SCD5: variants seen among roughly 807,000 people sequenced by gnomAD.
The protein encoded by SCD5 is acyl-CoA-desaturase 4.
Under a neutral mutation model 30.4 loss-of-function variants are expected in SCD5, and 20 were observed. The ratio of observed to expected loss-of-function variants is 0.66; its 90% CI spans 0.46 to 0.96. The LOEUF is 0.96. Among genes scored for constraint, SCD5 ranks in the 40% least tolerant of loss-of-function variants. SCD5 has a pLI of 0.00. For synonymous variants in SCD5, 173 were observed against 176.4 expected, an observed-to-expected ratio of 0.98 and a Z score of 0.16; for missense variants, 381 against 443.3, an observed-to-expected ratio of 0.86 and a Z score of 1.26.
At chr4:82,650,422 C>T (rs1340928944) in intron 3 of SCD5, among the ~76,000 whole-genome samples, 7 of 152,222 alleles carry the variant, frequency 4.6e-5, no homozygotes, top group Non-Finnish European at 1.0e-4. Context: ...AGGTCACGCA[C>T]AGTGGCTCAT....
chr4:82,728,983 A>G (rs1488990367), intron 1 of SCD5, among the ~76,000 whole-genome samples: 2 of 152,114 alleles, frequency 1.3e-5, no homozygotes, highest in Non-Finnish European at 2.9e-5. Flanking sequence ...GTGATTTCTG[A>G]CCTCGATTTT....
At chr4:82,718,084 A>T (rs1360221899) in intron 1 of SCD5, among the ~76,000 whole-genome samples, 4 of 149,368 alleles carry the variant, frequency 2.7e-5, no homozygotes, top group East Asian at 1.9e-4. Flanking sequence ...TTTTTTTTTA[A>T]AAAAAAAAAA....
intron 1 of SCD5, among the ~76,000 whole-genome samples, chr4:82,773,908 G>C (rs1182628569): frequency 6.6e-6 from 1 of 151,968 alleles, no homozygotes; most frequent in African/African-American, 2.4e-5. Flanking sequence ...TAGCCAATAT[G>C]GTGAAACCTC....
intron 1 of SCD5, among the ~76,000 whole-genome samples, chr4:82,722,559 T>C (rs1049091807): frequency 1.3e-5 from 2 of 151,316 alleles, no homozygotes; most frequent in African/African-American, 4.9e-5. Context: ...AGGTCAGGGG[T>C]TCGAGACCAG....
chr4:82,733,333 A>G (rs1422001183), intron 1 of SCD5, among the ~76,000 whole-genome samples: 4 of 152,158 alleles, frequency 2.6e-5, no homozygotes, highest in African/African-American at 7.2e-5. Flanking sequence ...TACGATGCAC[A>G]GAGCACAGTG....
chr4:82,661,670 T>A (rs1188800721), intron 3 of SCD5, among the ~76,000 whole-genome samples: 1 of 152,236 alleles, frequency 6.6e-6, no homozygotes, highest in African/African-American at 2.4e-5. Context: ...TGCCTTCAGA[T>A]GCCTCTTGTT....
intron 1 of SCD5, among the ~76,000 whole-genome samples, chr4:82,743,611 T>A (rs1269121521): frequency 6.6e-6 from 1 of 152,098 alleles, no homozygotes; most frequent in African/African-American, 2.4e-5. Flanking sequence ...AACTTCTACC[T>A]CCCAGGCTTG....
At chr4:82,788,554 C>T (rs1202248256) in intron 1 of SCD5, among the ~76,000 whole-genome samples, 1 of 152,118 alleles carries the variant, frequency 6.6e-6, no homozygotes, top group Non-Finnish European at 1.5e-5. Flanking sequence ...TCACTCCCAG[C>T]TAATTTTTGT....
chr4:82,779,757 G>C (rs1021122530), intron 1 of SCD5, among the ~76,000 whole-genome samples: 1 of 152,182 alleles, frequency 6.6e-6, no homozygotes, highest in African/African-American at 2.4e-5. Flanking sequence ...CCAGGACGAG[G>C]CTGTCATTCC....
chr4:82,765,109 T>C (rs1444680387), intron 1 of SCD5, among the ~76,000 whole-genome samples: 1 of 152,256 alleles, frequency 6.6e-6, no homozygotes, highest in African/African-American at 2.4e-5. Context: ...TTTATTTTGA[T>C]CAAGATTTCC....
chr4:82,682,562 T>A (rs1728600640), intron 2 of SCD5, among the ~76,000 whole-genome samples: 1 of 152,218 alleles, frequency 6.6e-6, no homozygotes, highest in East Asian at 1.9e-4. Context: ...TACCATAATA[T>A]TCAATACTGG....
At chr4:82,756,300 C>T (rs1721232632) in intron 1 of SCD5, among the ~76,000 whole-genome samples, 1 of 152,244 alleles carries the variant, frequency 6.6e-6, no homozygotes, top group Non-Finnish European at 1.5e-5. Flanking sequence ...TCAGGACAGG[C>T]ATGGCACAGT....
At chr4:82,636,210 G>C (rs1000404588) in intron 4 of SCD5, among the ~76,000 whole-genome samples, 1 of 151,994 alleles carries the variant, frequency 6.6e-6, no homozygotes, top group Non-Finnish European at 1.5e-5. Flanking sequence ...GCAGGCCAAG[G>C]AGGGCAGATC....
At chr4:82,724,092 T>C (rs963477568) in intron 1 of SCD5, among the ~76,000 whole-genome samples, 1 of 152,174 alleles carries the variant, frequency 6.6e-6, no homozygotes, top group Non-Finnish European at 1.5e-5. Flanking sequence ...ATATGGCAAA[T>C]GTTAATAATT....
At chr4:82,670,288 C>G (rs552848273) in intron 3 of SCD5, among the ~76,000 whole-genome samples, 2 of 152,016 alleles carry the variant, frequency 1.3e-5, no homozygotes, top group African/African-American at 4.8e-5. Flanking sequence ...CAAGAACACA[C>G]AGGCAATATA....
chr4:82,681,465 T>A (rs12643509), intron 2 of SCD5, among the ~76,000 whole-genome samples: 121,738 of 152,080 alleles, frequency 0.8, 48,947 homozygotes, highest in Middle Eastern at 0.87. Context: ...GTTGAATGGT[T>A]GTTCTGTCCA....
chr4:82,784,445 A>G (rs1208495178), intron 1 of SCD5, among the ~76,000 whole-genome samples: 2 of 152,204 alleles, frequency 1.3e-5, no homozygotes, highest in African/African-American at 4.8e-5. Context: ...TAGCTTCGCA[A>G]TTTTATCTTT....
chr4:82,665,061 C>CACATAA (rs1728149343), intron 3 of SCD5, among the ~76,000 whole-genome samples: 1 of 22,328 alleles, frequency 4.5e-5, no homozygotes, highest in Non-Finnish European at 7.1e-5. Context: ...TACACACACA[C>CACATAA]ATATATATAT....
intron 3 of SCD5, among the ~76,000 whole-genome samples, chr4:82,643,921 T>C (rs1727591553): frequency 6.6e-6 from 1 of 152,200 alleles, no homozygotes; most frequent in South Asian, 2.1e-4. Context: ...GGAGAGCTCC[T>C]TGGATAAGCT....
Sources: allele counts gnomAD v4.1 joint callset (sites outside exome capture counted in the v4.1 genomes callset), GRCh38; gene constraint gnomAD v4.1.1; transcripts MANE v1.5; gene names NCBI Gene and HGNC (gene_info 2026-07-23, HGNC 2026-07-21).